Variants in BPNT2 observed in about 807,000 individuals in gnomAD.
BPNT2 encodes 3'(2'), 5'-bisphosphate nucleotidase 2.
A neutral mutation model predicts 29.3 loss-of-function variants in BPNT2; 11 were observed. The ratio of observed to expected loss-of-function variants is 0.38; its 90% CI spans 0.24 to 0.62. The LOEUF is 0.62. Among genes scored for constraint, BPNT2 ranks in the 20% least tolerant of loss-of-function variants. The pLI, the probability that BPNT2 is intolerant of heterozygous loss-of-function variation, is 0.62. For missense variants in BPNT2, 459 were observed against 473.4 expected, an observed-to-expected ratio of 0.97 and a Z score of 0.28; for synonymous variants, 195 against 187.7, an observed-to-expected ratio of 1.04 and a Z score of -0.32.
In BPNT2 at chr8:56,985,153, G is replaced by A. The variant is rs146393031; in HGVS notation, c.388-4956C>T. Reference sequence around the variant, plus strand: ...GCCCTTATCAGAAACCACGTTACTTGTTTACATTTACTATCTTGATCAGCT... The same window carrying A: ...GCCCTTATCAGAAACCACGTTACTTATTTACATTTACTATCTTGATCAGCT... On this transcript the variant is annotated intron_variant, in intron 1 of 4. Coordinates refer to ENST00000262644, the MANE Select transcript of BPNT2 (RefSeq NM_017813.5). 5.5e-3 allele frequency among the ~76,000 whole-genome samples: 836 copies of A among 151,924 alleles called. 6 individuals are homozygous for A. The highest frequency in any genetic ancestry group is 0.019 in the African/African-American group (768 of 41,418).
intron 1 of BPNT2, among the ~76,000 whole-genome samples, chr8:56,989,190 G>A (rs1806371939): frequency 6.6e-6 from 1 of 151,584 alleles, no homozygotes; most frequent in Admixed American, 6.6e-5. Flanking sequence ...TTATTCTCAT[G>A]GTGAAACCCC....
In BPNT2 at chr8:56,980,134, G is replaced by T; in HGVS notation, c.451C>A (p.Pro151Thr). ...QEVILWDHKIPEDILKEVTTP... is the reference protein window; with the variant it reads ...QEVILWDHKITEDILKEVTTP... ...GTTACTTCCTTTAGGATATCCTCAG[G>T]AATCTTATGATCCCACAAGATAACC... Residue 151 changes from proline (P) to threonine (T), a missense_variant, in exon 2 of 5, where the codon CCT becomes ACT. Pro to Thr is a conservative substitution (Grantham distance 38, BLOSUM62 -1). Transcript: ENST00000262644. 6.2e-7 allele frequency: 1 copy of T among 1,612,884 alleles called. No individual in the cohort carries two copies. Among genetic ancestry groups the T allele is most frequent in the Non-Finnish European group, 8.5e-7 (1 of 1,179,042 alleles).
Position 56,962,120 on chromosome 8 carries a change from T to C in BPNT2, c.*1673A>G, listed in dbSNP as rs994277199. On this transcript the variant is annotated 3_prime_UTR_variant, in exon 5 of 5. Coordinates refer to ENST00000262644, the MANE Select transcript of BPNT2 (RefSeq NM_017813.5). ...AAAATTTTCAAGTCCTATTTAAATA[T>C]CAAGTGTTCCACCTACCAAAACTTT... 6.6e-6 allele frequency: 1 copy of C among 152,176 alleles called. No individual in the cohort carries two copies. Among genetic ancestry groups the C allele is most frequent in the Non-Finnish European group, 1.5e-5 (1 of 68,026 alleles). 9.4% of individuals were successfully genotyped at this position (152,176 alleles called of 1,614,324 possible).
intron 3 of BPNT2, among the ~76,000 whole-genome samples, chr8:56,974,203 T>C (rs1292988185): frequency 6.6e-6 from 1 of 152,198 alleles, no homozygotes; most frequent in Non-Finnish European, 1.5e-5. Flanking sequence ...GTTGTTAAGA[T>C]TTTTGGTCAA....
chr8:56,990,140 C>CT (rs982414312), intron 1 of BPNT2, among the ~76,000 whole-genome samples: 4 of 152,202 alleles, frequency 2.6e-5, no homozygotes, highest in African/African-American at 4.8e-5. Flanking sequence ...TAACTTCCAT[C>CT]TTATAGGTCA....
chr8:56,989,025 A>C (rs539985523), intron 1 of BPNT2, among the ~76,000 whole-genome samples: 1 of 152,118 alleles, frequency 6.6e-6, no homozygotes, highest in African/African-American at 2.4e-5. Flanking sequence ...TCCCCTCCAA[A>C]CCATCCTCCA....
rs1563402231 is a variant in BPNT2, at chr8:56,959,839, A to C, written c.*3954T>G. ...CAAAAGAACTTAAGTTTTAATGGCAAAAAGTTCCTATTTTCCCCCATCTAC... is the reference window on the plus strand; with the variant it reads ...CAAAAGAACTTAAGTTTTAATGGCACAAAGTTCCTATTTTCCCCCATCTAC... On this transcript the variant is annotated 3_prime_UTR_variant, in exon 5 of 5. Coordinates refer to ENST00000262644, the MANE Select transcript of BPNT2 (RefSeq NM_017813.5). 1 of 152,192 alleles carries C rather than the reference A, an allele frequency of 6.6e-6. No homozygotes were observed. The allele number at this position is 152,192 out of a possible 1,614,324, so 9.4% of individuals were successfully genotyped here.
At chr8:56,964,200 G>A (rs1805899493) in intron 4 of BPNT2, 136 bp from the exon 5 acceptor site, 1 of 607,706 alleles carries the variant, frequency 1.6e-6, no homozygotes, top group African/African-American at 1.8e-5. Context: ...AACTGCTTAA[G>A]TTTAAAATTA....
At chr8:56,971,592 CTTATT>C (rs1207000886) in intron 3 of BPNT2, among the ~76,000 whole-genome samples, 1 of 152,008 alleles carries the variant, frequency 6.6e-6, no homozygotes, top group African/African-American at 2.4e-5. Flanking sequence ...TTGGAACTAG[CTTATT>C]TTGTCATTTA....
At chr8:56,971,130 CACTT>C (rs1385526059) in intron 3 of BPNT2, among the ~76,000 whole-genome samples, 3 of 151,906 alleles carry the variant, frequency 2.0e-5, no homozygotes, top group Admixed American at 6.6e-5. Flanking sequence ...TTATTAGTAA[CACTT>C]ACATGAACAT....
chr8:56,989,415 C>G (rs1255653135), intron 1 of BPNT2, among the ~76,000 whole-genome samples: 6 of 151,122 alleles, frequency 4.0e-5, no homozygotes, highest in Admixed American at 2.6e-4. Context: ...CAATCTTTGG[C>G]AAATTATTTA....
Position 56,963,694 on chromosome 8 carries a change from G to T in BPNT2, c.*99C>A. 2 of 1,365,380 alleles carry T rather than the reference G, an allele frequency of 1.5e-6. No individual in the cohort carries two copies. The highest frequency in any genetic ancestry group is 2.1e-6 in the Non-Finnish European group (2 of 961,782). 84.6% of individuals were successfully genotyped at this position (1,365,380 alleles called of 1,614,324 possible). A position where few individuals can be genotyped will look rare whatever the true frequency, so the allele number is the denominator to read the frequency against. On this transcript the variant is annotated 3_prime_UTR_variant, in exon 5 of 5. Transcript: ENST00000262644. ...TAAATACTTTAAAAAGTTCGGGATG[G>T]CCTTAACCATGCATAGTCTCCACCA...
In BPNT2 at chr8:56,960,717, T is replaced by C. The variant is rs1236110664; in HGVS notation, c.*3076A>G. 1 of 151,724 alleles carries C rather than the reference T, an allele frequency of 6.6e-6. No individual in the cohort carries two copies. Among genetic ancestry groups the C allele is most frequent in the Non-Finnish European group, 1.5e-5 (1 of 67,902 alleles). 9.4% of individuals were successfully genotyped at this position (151,724 alleles called of 1,614,324 possible). A position where few individuals can be genotyped will look rare whatever the true frequency, so the allele number is the denominator to read the frequency against. ...GCATATCTACCCAACTCTCTTGTAT[T>C]TTTTTTTACATTTACATTCTTGAAC... On this transcript the variant is annotated 3_prime_UTR_variant, in exon 5 of 5. Coordinates refer to ENST00000262644, the MANE Select transcript of BPNT2 (RefSeq NM_017813.5).
chr8:56,974,166 C>A (rs1024269731), intron 3 of BPNT2, among the ~76,000 whole-genome samples: 1 of 152,058 alleles, frequency 6.6e-6, no homozygotes, highest in African/African-American at 2.4e-5. Flanking sequence ...CATAAATATG[C>A]AAAATATGTG....
In BPNT2 at chr8:56,980,215, GAC is replaced by G; in HGVS notation, c.388-20_388-19del. 1.9e-6 allele frequency: 3 copies of G among 1,608,306 alleles called. No homozygotes were observed. The highest frequency in any genetic ancestry group is 2.6e-6 in the Non-Finnish European group (3 of 1,175,142). ...GTATTAATCTGCATTAAAAACAGGT[GAC>G]AGTTAAAAAAAGTAAGACGAACAAT... On this transcript the variant is annotated intron_variant, in intron 1 of 4. Transcript: ENST00000262644.
rs1425503382 is a variant in BPNT2, at chr8:56,958,257, T to C, written c.*5536A>G. On this transcript the variant is annotated 3_prime_UTR_variant, in exon 5 of 5. Coordinates refer to ENST00000262644, the MANE Select transcript of BPNT2 (RefSeq NM_017813.5). ...AATTTGTGCAAGAGACTGGGCTATG[T>C]GCTGGGGGTGAGGTGGAAATACAAA... The C allele has an allele frequency of 1.3e-5, 2 of 152,172 alleles. No individual in the cohort carries two copies. The highest frequency in any genetic ancestry group is 2.9e-5 in the Non-Finnish European group (2 of 68,056). The allele number at this position is 152,172 out of a possible 1,614,324, so 9.4% of individuals were successfully genotyped here. A position where few individuals can be genotyped will look rare whatever the true frequency, so the allele number is the denominator to read the frequency against.
intron 1 of BPNT2, among the ~76,000 whole-genome samples, chr8:56,991,613 C>A (rs1231153360): frequency 6.6e-6 from 1 of 152,158 alleles, no homozygotes; most frequent in East Asian, 1.9e-4. Flanking sequence ...TGGAGTGTCA[C>A]GAGCCTCAGA....
At chr8:56,973,914 A>G (rs1295816352) in intron 3 of BPNT2, among the ~76,000 whole-genome samples, 1 of 152,186 alleles carries the variant, frequency 6.6e-6, no homozygotes, top group African/African-American at 2.4e-5. Flanking sequence ...ACATTACAAC[A>G]TATTTTCACA....
At chr8:56,980,802 C>T (rs140169743) in intron 1 of BPNT2, among the ~76,000 whole-genome samples, 2 of 114,712 alleles carry the variant, frequency 1.7e-5, no homozygotes, top group African/African-American at 7.1e-5. Flanking sequence ...TACCCCACAC[C>T]CTTACATACA....
Sources: gnomAD v4.1 joint callset for allele counts (sites outside exome capture counted in the v4.1 genomes callset) on GRCh38, gnomAD v4.1.1 for gene constraint, MANE v1.5 for transcripts, NCBI Gene and HGNC (gene_info 2026-07-23, HGNC 2026-07-21) for gene names.